Variants in YBX1 observed in about 807,000 individuals in gnomAD.
The protein encoded by YBX1 is Y-box-binding protein 1.
In YBX1, 3 loss-of-function variants were observed where a neutral mutation model predicts 41.4. The ratio of observed to expected loss-of-function variants is 0.07; its 90% CI spans 0.03 to 0.19. The LOEUF (loss-of-function observed/expected upper bound fraction) is 0.19. Ranked by LOEUF, YBX1 falls within the 10% of genes least tolerant of loss-of-function variation. The probability of loss-of-function intolerance (pLI) is 1.00; values close to 1 mark genes in which losing one functional copy is unlikely to be tolerated. For missense variants in YBX1, 274 were observed against 462.8 expected, an observed-to-expected ratio of 0.59 and a Z score of 3.74; for synonymous variants, 133 against 165.8, an observed-to-expected ratio of 0.80 and a Z score of 1.52.
At chr1:42,683,056 G>T in intron 1 of YBX1, 1 of 443,262 alleles carries the variant, frequency 2.3e-6, no homozygotes, top group African/African-American at 2.1e-5. Flanking sequence ...CGTTGTTCGC[G>T]TCACCCCCAC....
At chr1:42,695,605 A>C (rs56193065) in intron 3 of YBX1, among the ~76,000 whole-genome samples, 1 of 152,354 alleles carries the variant, frequency 6.6e-6, no homozygotes, top group Non-Finnish European at 1.5e-5. Flanking sequence ...AGATTTATTG[A>C]ATTCTGGGGA....
At chr1:42,692,253 A>G (rs1650359519) in intron 2 of YBX1, among the ~76,000 whole-genome samples, 2 of 152,300 alleles carry the variant, frequency 1.3e-5, no homozygotes, top group East Asian at 1.9e-4. Context: ...TTAGAGCCTT[A>G]GAGTTTGAAA....
chr1:42,698,958 GA>G (rs1365162702), intron 6 of YBX1, among the ~76,000 whole-genome samples: 6 of 152,174 alleles, frequency 3.9e-5, no homozygotes, highest in South Asian at 2.1e-4. Flanking sequence ...GTGGGTTCAA[GA>G]GCAAACTGAA....
At chr1:42,682,799 TG>T in intron 1 of YBX1, 68 bp downstream of exon 1, 1 of 1,078,856 alleles carries the variant, frequency 9.3e-7, no homozygotes, top group Non-Finnish European at 1.2e-6. Flanking sequence ...TAGCCGGAGC[TG>T]GGCGAGCCGG....
chr1:42,690,796 C>G (rs951871566), intron 2 of YBX1, among the ~76,000 whole-genome samples: 4 of 152,174 alleles, frequency 2.6e-5, no homozygotes, highest in Non-Finnish European at 4.4e-5. Context: ...CTTTTTCTTT[C>G]TGAATTATCT....
chr1:42,697,153 A>G (rs370420361), intron 5 of YBX1, 27 bp from the exon 6 acceptor site: 49 of 1,606,200 alleles, frequency 3.1e-5, no homozygotes, highest in Non-Finnish European at 4.2e-5. Flanking sequence ...CTGACCCAGT[A>G]GGCTTAATTT....
chr1:42,700,158 A>C (rs1650558848), intron 6 of YBX1, among the ~76,000 whole-genome samples: 1 of 152,034 alleles, frequency 6.6e-6, no homozygotes, highest in Non-Finnish European at 1.5e-5. Context: ...AAAGAGTTTT[A>C]GAATGTACAA....
chr1:42,694,894 T>C (rs1417064151), intron 3 of YBX1, among the ~76,000 whole-genome samples: 1 of 152,240 alleles, frequency 6.6e-6, no homozygotes. Context: ...CTCGGTCTTG[T>C]TGCCTGTTGG....
rs548162225 is a variant in YBX1, at chr1:42,703,311, C to T, written c.*1362C>T. ...ATGTAGTTGATAGTGACTGCTGCCC[C>T]GAAACACTCCAGATCATCCTGGCCA... is the stretch of plus-strand genomic sequence containing the variant. On this transcript the variant is annotated 3_prime_UTR_variant, in exon 8 of 8. Transcript: ENST00000321358. 1.2e-4 allele frequency among the ~76,000 whole-genome samples: 19 copies of T among 152,048 alleles called. 2 individuals are homozygous for T. Among genetic ancestry groups the T allele is most frequent in the Middle Eastern group, 6.8e-3 (2 of 294 alleles).
intron 2 of YBX1, among the ~76,000 whole-genome samples, chr1:42,685,777 C>A (rs1379271359): frequency 6.6e-6 from 1 of 152,130 alleles, no homozygotes; most frequent in Non-Finnish European, 1.5e-5. Context: ...AAATTTTCTG[C>A]CTTTAAAGAC....
chr1:42,694,980 T>C (rs1034754449), intron 3 of YBX1, among the ~76,000 whole-genome samples: 1 of 152,202 alleles, frequency 6.6e-6, no homozygotes, highest in Admixed American at 6.5e-5. Context: ...TAATTATCCA[T>C]AATTCTGCTA....
chr1:42,683,227 C>T (rs938535496), intron 1 of YBX1, 176 bp from the exon 2 acceptor site: 4 of 759,328 alleles, frequency 5.3e-6, no homozygotes, highest in Non-Finnish European at 7.0e-6. Context: ...GCTTCAGACT[C>T]ACCCACGTGT....
In YBX1 at chr1:42,696,614, C is replaced by T. The variant is rs1363987743; in HGVS notation, c.355-28C>T. The T allele has an allele frequency of 4.5e-6, 6 of 1,340,466 alleles. No individual in the cohort carries two copies. The highest frequency in any genetic ancestry group is 5.9e-6 in the Non-Finnish European group (6 of 1,025,522). 83.0% of individuals were successfully genotyped at this position (1,340,466 alleles called of 1,614,324 possible). On this transcript the variant is annotated intron_variant, in intron 4 of 7. Coordinates refer to ENST00000321358, the MANE Select transcript of YBX1 (RefSeq NM_004559.5). The surrounding 1 kb of genome is among the most constrained non-coding windows in gnomAD (Gnocchi z 5.7). ...TTGAAAGTGTTCTGATTTCCTTTGT[C>T]ACTATCAATATGTAATGGCTTTTGT...
rs973432582 is a variant in YBX1, at chr1:42,682,574, C to G, written c.9C>G (p.Ser3Arg). The G allele has an allele frequency of 6.8e-7, 1 of 1,461,440 alleles. No individual in the cohort carries two copies. Among genetic ancestry groups the G allele is most frequent in the Non-Finnish European group, 9.0e-7 (1 of 1,111,386 alleles). The allele number at this position is 1,461,440 out of a possible 1,614,324, so 90.5% of individuals were successfully genotyped here. The change falls in exon 1 of 8, where the codon AGC becomes AGG. Residue 3 changes from serine (S) to arginine (R), a missense_variant. Physicochemically the swap from Ser to Arg is moderately radical, Grantham distance 110. Coordinates refer to ENST00000321358, the MANE Select transcript of YBX1 (RefSeq NM_004559.5). ...TCACCATCACCGCAACCATGAGCAG[C>G]GAGGCCGAGACCCAGCAGCCGCCCG... Reference protein sequence around the residue: MSSEAETQQPPAA... With the variant: MSREAETQQPPAA...
intron 2 of YBX1, among the ~76,000 whole-genome samples, chr1:42,686,597 C>G (rs1650203016): frequency 6.6e-6 from 1 of 152,200 alleles, no homozygotes; most frequent in Non-Finnish European, 1.5e-5. Context: ...GGCTATCTCT[C>G]TTTAGTCACG....
chr1:42,687,412 T>C (rs1438414861), intron 2 of YBX1, among the ~76,000 whole-genome samples: 2 of 151,868 alleles, frequency 1.3e-5, no homozygotes. Flanking sequence ...GCCTCCCGAG[T>C]AGCTGGGATT....
intron 2 of YBX1, among the ~76,000 whole-genome samples, chr1:42,689,708 A>G (rs55658641): frequency 0.043 from 6,622 of 152,236 alleles, 196 homozygotes; most frequent in African/African-American, 0.072. Flanking sequence ...TTCCTGTGGC[A>G]TGGAGAATTA....
intron 2 of YBX1, among the ~76,000 whole-genome samples, chr1:42,690,445 A>G (rs1650301849): frequency 6.6e-6 from 1 of 152,198 alleles, no homozygotes; most frequent in Non-Finnish European, 1.5e-5. Context: ...CACCAGAAGC[A>G]AAATCTATTT....
intron 3 of YBX1, 134 bp downstream of exon 3, chr1:42,693,657 T>A: frequency 1.3e-6 from 1 of 797,192 alleles, no homozygotes; most frequent in Non-Finnish European, 2.0e-6. Context: ...ACAGGAGTAG[T>A]AGCATGCTTA....
Sources: allele counts gnomAD v4.1 joint callset (sites outside exome capture counted in the v4.1 genomes callset), GRCh38; gene constraint gnomAD v4.1.1; non-coding constraint Gnocchi (gnomAD v3.1); transcripts MANE v1.5; gene names NCBI Gene and HGNC (gene_info 2026-07-23, HGNC 2026-07-21).